The following KLHL20 variants were observed in gnomAD, a reference collection of about 807,000 sequenced individuals.
KLHL20 encodes the protein kelch like family member 20, also known as kelch-like protein 20.
KLHL20 carries 29 observed loss-of-function variants against 69.5 expected under a neutral mutation model. The observed-to-expected ratio is 0.42, with a 90% CI of 0.31 to 0.57. The LOEUF (loss-of-function observed/expected upper bound fraction) is 0.57. KLHL20 is among the 20% of genes least tolerant of loss of function. The pLI, the probability that KLHL20 is intolerant of heterozygous loss-of-function variation, is 0.18. For missense variants in KLHL20, 419 were observed against 776.0 expected, an observed-to-expected ratio of 0.54 and a Z score of 5.47; for synonymous variants, 253 against 265.2, an observed-to-expected ratio of 0.95 and a Z score of 0.45.
intron 2 of KLHL20, among the ~76,000 whole-genome samples, chr1:173,724,753 C>A (rs537443474): frequency 3.9e-4 from 60 of 152,186 alleles, no homozygotes; most frequent in African/African-American, 1.4e-3. Flanking sequence ...TGTAGTAAGC[C>A]GTGATCAAAC....
intron 8 of KLHL20, among the ~76,000 whole-genome samples, chr1:173,771,635 G>T (rs1407067766): frequency 6.6e-6 from 1 of 152,110 alleles, no homozygotes; most frequent in African/African-American, 2.4e-5. Flanking sequence ...AGGCATGGTG[G>T]TGCACACCTG....
intron 10 of KLHL20, among the ~76,000 whole-genome samples, chr1:173,780,627 A>G (rs1313745968): frequency 6.6e-6 from 1 of 152,154 alleles, no homozygotes; most frequent in Non-Finnish European, 1.5e-5. Flanking sequence ...AAATTTAAAA[A>G]TTATCCAGAT....
intron 7 of KLHL20, 88 bp from the exon 8 acceptor site, chr1:173,766,058 T>C (rs1369450236): frequency 2.0e-6 from 2 of 1,020,960 alleles, no homozygotes; most frequent in Non-Finnish European, 2.7e-6. Context: ...ATAATATATA[T>C]CATATAAATC....
intron 2 of KLHL20, among the ~76,000 whole-genome samples, chr1:173,726,339 A>G (rs1240208945): frequency 6.6e-6 from 1 of 152,062 alleles, no homozygotes; most frequent in African/African-American, 2.4e-5. Flanking sequence ...AGCCAAAAAA[A>G]AAAAGGCAGC....
chr1:173,780,792 C>T (rs1648812232), intron 10 of KLHL20, among the ~76,000 whole-genome samples: 2 of 151,884 alleles, frequency 1.3e-5, no homozygotes, highest in South Asian at 2.1e-4. Context: ...GTGCAGTGTG[C>T]GATCTTGGCT....
At chr1:173,780,374 T>G (rs552044346) in intron 10 of KLHL20, among the ~76,000 whole-genome samples, 7 of 152,338 alleles carry the variant, frequency 4.6e-5, no homozygotes, top group African/African-American at 1.7e-4. Flanking sequence ...GAGAATGCGC[T>G]TACTGCTTTG....
At chr1:173,746,911 C>G (rs573100462) in intron 3 of KLHL20, among the ~76,000 whole-genome samples, 1 of 149,290 alleles carries the variant, frequency 6.7e-6, no homozygotes, top group South Asian at 2.1e-4. Flanking sequence ...TGATTCTAGT[C>G]TTTAGTGCTT....
chr1:173,722,070 A>G (rs1671740954), intron 2 of KLHL20, among the ~76,000 whole-genome samples: 1 of 152,134 alleles, frequency 6.6e-6, no homozygotes, highest in African/African-American at 2.4e-5. Flanking sequence ...GTGGTTCTGC[A>G]AGCTTTTCAA....
intron 3 of KLHL20, among the ~76,000 whole-genome samples, chr1:173,739,239 AT>A (rs1436428285): frequency 6.6e-6 from 1 of 151,650 alleles, no homozygotes. Context: ...CGCCCAGCTA[AT>A]TTTTTGTATG....
intron 2 of KLHL20, among the ~76,000 whole-genome samples, chr1:173,729,275 G>A (rs1258344463): frequency 6.6e-6 from 1 of 152,160 alleles, no homozygotes; most frequent in East Asian, 1.9e-4. Flanking sequence ...TGGATTCACA[G>A]CCGAATTCTA....
chr1:173,728,210 G>A (rs1558183698), intron 2 of KLHL20, among the ~76,000 whole-genome samples: 1 of 152,148 alleles, frequency 6.6e-6, no homozygotes, highest in Non-Finnish European at 1.5e-5. Context: ...AAATATATAT[G>A]CACCCAATAC....
intron 3 of KLHL20, among the ~76,000 whole-genome samples, chr1:173,736,804 C>T (rs188408343): frequency 3.5e-4 from 53 of 152,248 alleles, no homozygotes; most frequent in African/African-American, 1.1e-3. Flanking sequence ...CCATGTTGGC[C>T]AGGCTGGTCT....
At chr1:173,717,978 C>T (rs193279411) in intron 2 of KLHL20, among the ~76,000 whole-genome samples, 1 of 152,302 alleles carries the variant, frequency 6.6e-6, no homozygotes, top group East Asian at 1.9e-4. Context: ...AGTTAACTCT[C>T]CCATTGCTGA....
chr1:173,785,137 ATATGAT>A lies in KLHL20; in HGVS notation c.1746-21_1746-16del. 6.3e-7 allele frequency: 1 copy of A among 1,592,170 alleles called. No individual in the cohort carries two copies. The highest frequency in any genetic ancestry group is 8.6e-7 in the Non-Finnish European group (1 of 1,163,302). ...TTGTAACATATTTTCCAGTTAGAAAATATGATTATGTTTCTTTCTTTGCAGGTTATA... is the reference window on the plus strand; with the variant it reads ...TTGTAACATATTTTCCAGTTAGAAAATATGTTTCTTTCTTTGCAGGTTATA... On this transcript the variant is annotated intron_variant, in intron 11 of 11. Coordinates refer to ENST00000209884, the MANE Select transcript of KLHL20 (RefSeq NM_014458.4).
chr1:173,774,497 C>A (rs1648324757), intron 9 of KLHL20, 59 bp downstream of exon 9: 1 of 1,588,934 alleles, frequency 6.3e-7, no homozygotes, highest in East Asian at 2.2e-5. Context: ...CCTGGAGAGT[C>A]CTCCTACAAA....
At chr1:173,773,026 G>C (rs1648195441) in intron 8 of KLHL20, among the ~76,000 whole-genome samples, 1 of 152,132 alleles carries the variant, frequency 6.6e-6, no homozygotes, top group Non-Finnish European at 1.5e-5. Context: ...ACCCAGGCTG[G>C]AGTGCAGTGG....
At chr1:173,733,592 T>C in intron 2 of KLHL20, 121 bp from the exon 3 acceptor site, 1 of 925,082 alleles carries the variant, frequency 1.1e-6, no homozygotes, top group Non-Finnish European at 1.6e-6. Context: ...TACAAAAAAT[T>C]TAAAAAAAAA....
At chr1:173,755,059 C>CTTTTT (rs372616022) in intron 5 of KLHL20, among the ~76,000 whole-genome samples, 1 of 133,542 alleles carries the variant, frequency 7.5e-6, no homozygotes, top group Non-Finnish European at 1.6e-5. Flanking sequence ...AAGTCTTTGT[C>CTTTTT]TTTTTTTTTT....
At chr1:173,763,870 A>AAAAT (rs1372704555) in intron 7 of KLHL20, among the ~76,000 whole-genome samples, 2 of 151,818 alleles carry the variant, frequency 1.3e-5, no homozygotes, top group African/African-American at 4.8e-5. Context: ...ATGCAATAAA[A>AAAAT]AAAAAAAAAA....
Sources: gnomAD v4.1 joint callset for allele counts (sites outside exome capture counted in the v4.1 genomes callset) on GRCh38, gnomAD v4.1.1 for gene constraint, MANE v1.5 for transcripts, NCBI Gene and HGNC (gene_info 2026-07-23, HGNC 2026-07-21) for gene names.